OPCML: variants seen among roughly 807,000 people sequenced by gnomAD.
OPCML encodes the protein opioid binding protein/cell adhesion molecule like.
Under a neutral mutation model 37.8 loss-of-function variants are expected in OPCML, and 13 were observed. The ratio of observed to expected loss-of-function variants is 0.34; its 90% CI spans 0.22 to 0.55. The LOEUF is 0.55. Among genes scored for constraint, OPCML ranks in the 20% least tolerant of loss-of-function variants. The pLI, the probability that OPCML is intolerant of heterozygous loss-of-function variation, is 0.91. For synonymous variants in OPCML, 176 were observed against 168.8 expected, an observed-to-expected ratio of 1.04 and a Z score of -0.33; for missense variants, 341 against 435.6, an observed-to-expected ratio of 0.78 and a Z score of 1.93.
intron 1 of OPCML, among the ~76,000 whole-genome samples, chr11:133,258,072 T>G (rs1941375657): frequency 6.6e-6 from 1 of 152,192 alleles, no homozygotes; most frequent in Admixed American, 6.5e-5. Flanking sequence ...AGCCCTTCTC[T>G]TCTCTTGCTG....
chr11:133,369,187 G>T (rs1269745819), intron 1 of OPCML, among the ~76,000 whole-genome samples: 11 of 152,132 alleles, frequency 7.2e-5, no homozygotes, highest in African/African-American at 2.2e-4. Context: ...GGCTTAGCTT[G>T]TAACAAATGT....
intron 1 of OPCML, among the ~76,000 whole-genome samples, chr11:133,325,901 G>A (rs886126344): frequency 3.3e-5 from 5 of 152,172 alleles, no homozygotes; most frequent in Non-Finnish European, 5.9e-5. Context: ...GTCCTCTTCA[G>A]TCTTTTGTGT....
At position 133,005,182 on chromosome 11, in the gene OPCML, C is replaced by T. The variant is rs562192198; in HGVS notation, c.62-62172G>A. 1.8e-4 allele frequency: 175 copies of T among 985,342 alleles called. 1 individual carries two copies. In the South Asian group the frequency reaches 5.6e-3, roughly 31 times the overall value. 61.0% of individuals were successfully genotyped at this position (985,342 alleles called of 1,614,324 possible). A position where few individuals can be genotyped will look rare whatever the true frequency, so the allele number is the denominator to read the frequency against. Reference sequence around the variant, plus strand: ...GACCCTCCACCCAATCTCTCTAGCCCGGGTTTTCAGCCATATCCCCACTGC... The same window carrying T: ...GACCCTCCACCCAATCTCTCTAGCCTGGGTTTTCAGCCATATCCCCACTGC... On this transcript the variant is annotated intron_variant, in intron 1 of 7. Transcript: ENST00000524381.
chr11:133,050,939 T>A (rs1286759353), intron 1 of OPCML, among the ~76,000 whole-genome samples: 2 of 152,100 alleles, frequency 1.3e-5, no homozygotes, highest in African/African-American at 4.8e-5. Flanking sequence ...TTCTCAAACT[T>A]GCGAGACACC....
intron 1 of OPCML, among the ~76,000 whole-genome samples, chr11:133,156,261 T>C (rs1461295334): frequency 1.3e-5 from 2 of 152,194 alleles, no homozygotes; most frequent in African/African-American, 4.8e-5. Context: ...ACTCAACATG[T>C]TACCTGGACC....
chr11:132,833,386 T>G (rs1387107466), intron 2 of OPCML, among the ~76,000 whole-genome samples: 1 of 152,144 alleles, frequency 6.6e-6, no homozygotes, highest in Non-Finnish European at 1.5e-5. Flanking sequence ...CTCATCCCAC[T>G]CCAAGAGCTT....
At chr11:132,971,425 A>G (rs1486779214) in intron 1 of OPCML, among the ~76,000 whole-genome samples, 1 of 152,208 alleles carries the variant, frequency 6.6e-6, no homozygotes, top group Non-Finnish European at 1.5e-5. Context: ...CGAGTCTTCA[A>G]GCTCCCTGCA....
chr11:133,075,140 C>T (rs1016457683), intron 1 of OPCML, among the ~76,000 whole-genome samples: 1 of 152,190 alleles, frequency 6.6e-6, no homozygotes, highest in African/African-American at 2.4e-5. Context: ...GGCTCACCTC[C>T]TCCCCATACC....
chr11:133,007,759 G>T, intron 1 of OPCML: 1 of 985,420 alleles, frequency 1.0e-6, no homozygotes, highest in Non-Finnish European at 1.2e-6. Context: ...GTGAAAAGAC[G>T]CAGGCATAGA....
chr11:132,588,152 G>T (rs943234967), intron 3 of OPCML, among the ~76,000 whole-genome samples: 7 of 152,070 alleles, frequency 4.6e-5, no homozygotes, highest in Non-Finnish European at 7.4e-5. Flanking sequence ...GAATCCTGGT[G>T]GTAGGGCTGC....
chr11:132,755,901 C>T (rs535420138), intron 2 of OPCML, among the ~76,000 whole-genome samples: 13 of 152,262 alleles, frequency 8.5e-5, no homozygotes, highest in African/African-American at 2.6e-4. Flanking sequence ...GATGTGGCCT[C>T]GGAACAGGTG....
chr11:133,269,702 G>A (rs192174872), intron 1 of OPCML, among the ~76,000 whole-genome samples: 1,740 of 152,260 alleles, frequency 0.011, 33 homozygotes, highest in African/African-American at 0.038. Flanking sequence ...TTTCATTCCA[G>A]AAATGGACAA....
At chr11:132,995,076 C>A (rs2136828135) in intron 1 of OPCML, among the ~76,000 whole-genome samples, 1 of 152,280 alleles carries the variant, frequency 6.6e-6, no homozygotes, top group East Asian at 1.9e-4. Flanking sequence ...GTGATGAGTG[C>A]AGCATAACCA....
At chr11:132,830,426 CCAAA>C (rs1940618924) in intron 2 of OPCML, among the ~76,000 whole-genome samples, 1 of 152,176 alleles carries the variant, frequency 6.6e-6, no homozygotes, top group African/African-American at 2.4e-5. Flanking sequence ...ACGTGAAATA[CCAAA>C]CAGTGGCCTT....
At chr11:132,530,905 C>T (rs1207227664) in intron 3 of OPCML, among the ~76,000 whole-genome samples, 1 of 152,124 alleles carries the variant, frequency 6.6e-6, no homozygotes, top group African/African-American at 2.4e-5. Context: ...ACAGATATGA[C>T]TCATCTTTCA....
chr11:132,752,990 C>T (rs1945891640), intron 2 of OPCML, among the ~76,000 whole-genome samples: 1 of 152,134 alleles, frequency 6.6e-6, no homozygotes, highest in African/African-American at 2.4e-5. Flanking sequence ...CTCTTTACAT[C>T]CAATCTTGAT....
chr11:133,421,540 G>A (rs1435460877), intron 1 of OPCML: 2 of 985,314 alleles, frequency 2.0e-6, no homozygotes, highest in African/African-American at 1.7e-5. Flanking sequence ...GTTGCAAACT[G>A]TAGAGTTGGG....
chr11:132,864,677 G>C (rs1003967285), intron 2 of OPCML, among the ~76,000 whole-genome samples: 13 of 152,168 alleles, frequency 8.5e-5, no homozygotes, highest in Non-Finnish European at 1.3e-4. Flanking sequence ...AGCAGGATAG[G>C]GGAATGCACT....
intron 2 of OPCML, among the ~76,000 whole-genome samples, chr11:132,867,679 G>A (rs1443465385): frequency 6.6e-6 from 1 of 152,188 alleles, no homozygotes; most frequent in Non-Finnish European, 1.5e-5. Context: ...TCGTTTCTGG[G>A]TTAGGAATGG....
Sources: allele counts gnomAD v4.1 joint callset (sites outside exome capture counted in the v4.1 genomes callset), GRCh38; gene constraint gnomAD v4.1.1; transcripts MANE v1.5; gene names NCBI Gene and HGNC (gene_info 2026-07-23, HGNC 2026-07-21).